Variants in SLC13A3 observed in about 807,000 individuals in gnomAD.
The protein encoded by SLC13A3 is Na(+)/dicarboxylate cotransporter 3.
A neutral mutation model predicts 59.0 loss-of-function variants in SLC13A3; 40 were observed. The observed-to-expected ratio is 0.68, with a 90% CI of 0.53 to 0.88. SLC13A3 has a LOEUF of 0.88. Among genes scored for constraint, SLC13A3 ranks in the 40% least tolerant of loss-of-function variants. SLC13A3 has a pLI of 0.00. For missense variants in SLC13A3, 699 were observed against 783.2 expected, an observed-to-expected ratio of 0.89 and a Z score of 1.28; for synonymous variants, 317 against 330.3, an observed-to-expected ratio of 0.96 and a Z score of 0.44.
At chr20:46,629,294 T>G (rs1039905359) in intron 1 of SLC13A3, among the ~76,000 whole-genome samples, 1 of 152,218 alleles carries the variant, frequency 6.6e-6, no homozygotes, top group Non-Finnish European at 1.5e-5. Context: ...CCACCCCTTA[T>G]AGCTCACTTG....
intron 3 of SLC13A3, among the ~76,000 whole-genome samples, chr20:46,603,588 A>C (rs1179362410): frequency 7.0e-6 from 1 of 143,468 alleles, no homozygotes; most frequent in Non-Finnish European, 1.5e-5. Flanking sequence ...AGGTCTTGCT[A>C]TGTTGCCCAG....
intron 1 of SLC13A3, among the ~76,000 whole-genome samples, chr20:46,657,372 CAA>C (rs35578835): frequency 2.3e-5 from 3 of 129,714 alleles, no homozygotes; most frequent in Admixed American, 7.7e-5. Context: ...GAAAATGTCT[CAA>C]AAAAAAAAAA....
intron 11 of SLC13A3, among the ~76,000 whole-genome samples, chr20:46,564,142 T>C (rs1280081940): frequency 6.6e-6 from 1 of 152,162 alleles, no homozygotes; most frequent in Non-Finnish European, 1.5e-5. Context: ...AGCCAAACAA[T>C]CTCAACCCAG....
chr20:46,611,696 T>A (rs1210351761), intron 2 of SLC13A3, among the ~76,000 whole-genome samples: 1 of 152,190 alleles, frequency 6.6e-6, no homozygotes, highest in Non-Finnish European at 1.5e-5. Flanking sequence ...CTACTGTCTC[T>A]TGTCGGGACA....
intron 1 of SLC13A3, among the ~76,000 whole-genome samples, chr20:46,630,660 C>T (rs989080499): frequency 6.6e-6 from 1 of 152,198 alleles, no homozygotes; most frequent in Non-Finnish European, 1.5e-5. Flanking sequence ...GAATAAAAGT[C>T]TTTGTTCTAC....
chr20:46,596,642 T>G (rs1284082639), intron 4 of SLC13A3, among the ~76,000 whole-genome samples: 1 of 152,242 alleles, frequency 6.6e-6, no homozygotes, highest in East Asian at 1.9e-4. Context: ...ACTCTCTTCC[T>G]GAATGGAACA....
intron 1 of SLC13A3, among the ~76,000 whole-genome samples, chr20:46,642,357 C>T (rs1458243787): frequency 6.6e-6 from 1 of 152,222 alleles, no homozygotes; most frequent in African/African-American, 2.4e-5. Flanking sequence ...TGGGCTACAA[C>T]ACTGCACTGT....
At chr20:46,604,966 C>A (rs1481797499) in intron 3 of SLC13A3, among the ~76,000 whole-genome samples, 1 of 152,148 alleles carries the variant, frequency 6.6e-6, no homozygotes, top group Non-Finnish European at 1.5e-5. Context: ...GCAGGTGATT[C>A]CTTTATGCAG....
At chr20:46,645,518 G>T (rs183619896) in intron 1 of SLC13A3, among the ~76,000 whole-genome samples, 1 of 152,188 alleles carries the variant, frequency 6.6e-6, no homozygotes, top group African/African-American at 2.4e-5. Context: ...GACAAGACAC[G>T]CTTCCAGGCT....
chr20:46,649,106 C>T (rs1308296387), intron 1 of SLC13A3, among the ~76,000 whole-genome samples: 2 of 152,136 alleles, frequency 1.3e-5, no homozygotes, highest in Admixed American at 1.3e-4. Context: ...TTGTTGTGGG[C>T]ATTACATGGG....
chr20:46,581,253 G>A (rs2062134102), intron 9 of SLC13A3, among the ~76,000 whole-genome samples: 1 of 152,188 alleles, frequency 6.6e-6, no homozygotes, highest in South Asian at 2.1e-4. Context: ...GAAAGCCCTG[G>A]GCATTGTGAG....
rs6094401 is a variant in SLC13A3 at position 46,626,677 on chromosome 20, C to A, written c.112-12952G>T. Among the ~76,000 whole-genome samples, 349 of 152,304 alleles carry A rather than the reference C, an allele frequency of 2.3e-3. 1 individual carries two copies. The highest frequency in any genetic ancestry group is 8.3e-3 in the African/African-American group (343 of 41,556). ...GGTGGAGAATTAGTAAGAAGTGCTGCTGCCCCTCATCCCCTGACCTTCCCA... is the reference window on the plus strand; with the variant it reads ...GGTGGAGAATTAGTAAGAAGTGCTGATGCCCCTCATCCCCTGACCTTCCCA... On this transcript the variant is annotated intron_variant, in intron 1 of 12. Coordinates refer to ENST00000279027, the MANE Select transcript of SLC13A3 (RefSeq NM_022829.6).
chr20:46,607,521 G>T (rs1324322012), intron 3 of SLC13A3, among the ~76,000 whole-genome samples: 2 of 152,172 alleles, frequency 1.3e-5, no homozygotes, highest in Non-Finnish European at 2.9e-5. Context: ...TGATCCCATG[G>T]CCTGTAAAGG....
intron 11 of SLC13A3, among the ~76,000 whole-genome samples, chr20:46,564,981 G>A (rs929310490): frequency 6.6e-6 from 1 of 152,232 alleles, no homozygotes; most frequent in Non-Finnish European, 1.5e-5. Context: ...ACAAGGTGCT[G>A]CAGGTATGTG....
At chr20:46,627,010 T>G (rs1389096473) in intron 1 of SLC13A3, among the ~76,000 whole-genome samples, 7 of 152,204 alleles carry the variant, frequency 4.6e-5, no homozygotes, top group African/African-American at 1.4e-4. Context: ...TGCTGCACAT[T>G]ATCTGGCTTC....
chr20:46,586,698 C>T (rs370093208), intron 8 of SLC13A3, among the ~76,000 whole-genome samples: 1 of 152,304 alleles, frequency 6.6e-6, no homozygotes, highest in East Asian at 1.9e-4. Flanking sequence ...ATTCACACCC[C>T]CCAATCCAAC....
At chr20:46,626,533 T>C (rs150783022) in intron 1 of SLC13A3, among the ~76,000 whole-genome samples, 1 of 152,232 alleles carries the variant, frequency 6.6e-6, no homozygotes, top group African/African-American at 2.4e-5. Context: ...GTGTGTTTTA[T>C]TACCTTGCTG....
intron 8 of SLC13A3, among the ~76,000 whole-genome samples, chr20:46,586,503 A>C (rs1161121907): frequency 1.3e-5 from 2 of 152,140 alleles, no homozygotes; most frequent in African/African-American, 4.8e-5. Context: ...AAATTTATAC[A>C]ATGACTCCCA....
chr20:46,563,346 A>G, intron 12 of SLC13A3, 68 bp downstream of exon 12: 1 of 1,562,268 alleles, frequency 6.4e-7, no homozygotes, highest in African/African-American at 1.4e-5. Context: ...TCCTGCATAG[A>G]GGCCTTGCCC....
Sources: allele counts gnomAD v4.1 joint callset (sites outside exome capture counted in the v4.1 genomes callset), GRCh38; gene constraint gnomAD v4.1.1; transcripts MANE v1.5; gene names NCBI Gene and HGNC (gene_info 2026-07-23, HGNC 2026-07-21).